BMPR1A: variants seen among roughly 807,000 people sequenced by gnomAD.
The protein encoded by BMPR1A is bone morphogenetic protein receptor type-1A.
Under a neutral mutation model 66.0 loss-of-function variants are expected in BMPR1A, and 7 were observed. The ratio of observed to expected loss-of-function variants is 0.11; its 90% CI spans 0.06 to 0.20. The LOEUF (loss-of-function observed/expected upper bound fraction) is 0.20, where lower values mean the gene tolerates loss of function less well. BMPR1A is among the 10% of genes least tolerant of loss of function. BMPR1A has a pLI of 1.00. For missense variants in BMPR1A, 408 were observed against 669.1 expected, an observed-to-expected ratio of 0.61 and a Z score of 4.31; for synonymous variants, 200 against 229.7, an observed-to-expected ratio of 0.87 and a Z score of 1.17.
chr10:86,875,635 CTTG>C (rs1245693853), intron 2 of BMPR1A, among the ~76,000 whole-genome samples: 8 of 150,826 alleles, frequency 5.3e-5, no homozygotes, highest in Middle Eastern at 3.4e-3. Flanking sequence ...ATATACTTCC[CTTG>C]TTGTACATAT....
At chr10:86,893,677 A>G (rs1843186330) in intron 5 of BMPR1A, among the ~76,000 whole-genome samples, 1 of 151,918 alleles carries the variant, frequency 6.6e-6, no homozygotes, top group African/African-American at 2.4e-5. Flanking sequence ...CGTCCCAGCT[A>G]CTCGGGAGGC....
At chr10:86,906,931 A>AT (rs973695873) in intron 7 of BMPR1A, among the ~76,000 whole-genome samples, 31 of 146,770 alleles carry the variant, frequency 2.1e-4, no homozygotes, top group South Asian at 6.4e-4. Context: ...AAATGCACAG[A>AT]TTTTTTTTTT....
chr10:86,896,977 G>A (rs1001448517), intron 5 of BMPR1A, among the ~76,000 whole-genome samples: 5 of 152,174 alleles, frequency 3.3e-5, no homozygotes, highest in Non-Finnish European at 5.9e-5. Context: ...GTGTCTTCAC[G>A]CACTGCCATG....
At chr10:86,812,948 C>G (rs537975620) in intron 1 of BMPR1A, among the ~76,000 whole-genome samples, 1 of 152,286 alleles carries the variant, frequency 6.6e-6, no homozygotes, top group Non-Finnish European at 1.5e-5. Context: ...CCTATAAATC[C>G]TCTGTGCTTT....
intron 1 of BMPR1A, among the ~76,000 whole-genome samples, chr10:86,768,848 C>G (rs958454314): frequency 1.3e-5 from 2 of 152,150 alleles, no homozygotes; most frequent in African/African-American, 4.8e-5. Context: ...ATATGTGAAA[C>G]AAGGATAATA....
chr10:86,779,446 G>GC lies in BMPR1A; in HGVS notation c.-268+22530dup, dbSNP rs1216370981. ...TATCTTTTTCCCCGTTTGCCCATTT[G>GC]CCCATTTTTAATTGGATTGTTTATC... On this transcript the variant is annotated intron_variant, in intron 1 of 12. Coordinates refer to ENST00000372037, the MANE Select transcript of BMPR1A (RefSeq NM_004329.3). 2.6e-5 allele frequency among the ~76,000 whole-genome samples: 4 copies of GC among 152,042 alleles called. No individual in the cohort carries two copies. The East Asian group carries it at 7.7e-4, about 29-fold the overall frequency.
intron 2 of BMPR1A, among the ~76,000 whole-genome samples, chr10:86,865,529 A>T: frequency 6.6e-6 from 1 of 152,284 alleles, no homozygotes; most frequent in African/African-American, 2.4e-5. Flanking sequence ...GCCCGCCTGC[A>T]CCCAGGTGAT....
chr10:86,873,181 T>G (rs921947094), intron 2 of BMPR1A, among the ~76,000 whole-genome samples: 2 of 152,136 alleles, frequency 1.3e-5, no homozygotes, highest in African/African-American at 2.4e-5. Context: ...ATGAAAGATG[T>G]AACAAGGCAT....
intron 6 of BMPR1A, 49 bp downstream of exon 6, chr10:86,899,939 G>A (rs1484318349): frequency 1.2e-6 from 2 of 1,609,170 alleles, no homozygotes; most frequent in South Asian, 1.1e-5. Context: ...TATCTTCTCT[G>A]GTTTTACAGT....
chr10:86,891,429 A>G (rs954329182), intron 4 of BMPR1A, among the ~76,000 whole-genome samples: 5 of 152,158 alleles, frequency 3.3e-5, no homozygotes, highest in Non-Finnish European at 7.3e-5. Context: ...AAATTCTTCT[A>G]AGTAGAAGCA....
intron 3 of BMPR1A, among the ~76,000 whole-genome samples, chr10:86,888,644 T>A (rs963562675): frequency 4.6e-5 from 7 of 151,668 alleles, no homozygotes; most frequent in South Asian, 2.1e-4. Context: ...CTGAGCAGTA[T>A]AGGGAGACCT....
chr10:86,837,699 C>T (rs1314835441), intron 1 of BMPR1A, among the ~76,000 whole-genome samples: 1 of 152,136 alleles, frequency 6.6e-6, no homozygotes, highest in East Asian at 1.9e-4. Context: ...TATGAGGACT[C>T]TGAAAAATGT....
chr10:86,899,445 A>G (rs1168173616), intron 5 of BMPR1A, among the ~76,000 whole-genome samples: 1 of 152,214 alleles, frequency 6.6e-6, no homozygotes, highest in Non-Finnish European at 1.5e-5. Context: ...TCTTTGGACT[A>G]CGACACCCTC....
intron 1 of BMPR1A, among the ~76,000 whole-genome samples, chr10:86,767,178 A>G (rs1841179097): frequency 1.3e-5 from 2 of 152,148 alleles, no homozygotes; most frequent in South Asian, 4.1e-4. Flanking sequence ...TTCATGATAT[A>G]AGGTTTCTTT....
intron 1 of BMPR1A, among the ~76,000 whole-genome samples, chr10:86,761,413 T>C (rs1458672944): frequency 2.0e-5 from 3 of 152,224 alleles, no homozygotes; most frequent in Non-Finnish European, 4.4e-5. Flanking sequence ...TGTTGACTTA[T>C]GAAGGAGGAC....
At chr10:86,762,946 G>T (rs1295247499) in intron 1 of BMPR1A, among the ~76,000 whole-genome samples, 1 of 152,104 alleles carries the variant, frequency 6.6e-6, no homozygotes, top group African/African-American at 2.4e-5. Flanking sequence ...GCCCAGGCTG[G>T]AGTGCAGTGG....
chr10:86,864,446 C>A (rs567729909), intron 2 of BMPR1A, among the ~76,000 whole-genome samples: 1 of 152,322 alleles, frequency 6.6e-6, no homozygotes, highest in South Asian at 2.1e-4. Flanking sequence ...GCATCACAGA[C>A]ATATCACAAA....
intron 3 of BMPR1A, among the ~76,000 whole-genome samples, chr10:86,880,894 A>G (rs1446599569): frequency 2.2e-5 from 3 of 135,636 alleles, no homozygotes; most frequent in African/African-American, 1.0e-4. Flanking sequence ...TGTTTGTAAT[A>G]ACACTTAAGA....
At position 86,919,158 on chromosome 10, in the gene BMPR1A, C is replaced by T. The variant is rs527270742; in HGVS notation, c.869-14C>T. The T allele has an allele frequency of 2.5e-6, 4 of 1,613,838 alleles. No homozygotes were observed. The highest frequency in any genetic ancestry group is 1.3e-5 in the African/African-American group (1 of 75,020). ...CTGATGATAACTAACCTTTTAAACT[C>T]ATCAACTGGACAGGTTTCATAGCGG... On this transcript the variant is annotated splice_polypyrimidine_tract_variant and intron_variant, in intron 9 of 12. Coordinates refer to ENST00000372037, the MANE Select transcript of BMPR1A (RefSeq NM_004329.3).
Sources: gnomAD v4.1 joint callset for allele counts (sites outside exome capture counted in the v4.1 genomes callset) on GRCh38, gnomAD v4.1.1 for gene constraint, MANE v1.5 for transcripts, NCBI Gene and HGNC (gene_info 2026-07-23, HGNC 2026-07-21) for gene names.